ABCB5: variants seen among roughly 807,000 people sequenced by gnomAD.
The protein encoded by ABCB5 is ATP-binding cassette sub-family B member 5.
A neutral mutation model predicts 144.2 loss-of-function variants in ABCB5; 155 were observed. That is an observed-to-expected ratio of 1.08 (90% CI 0.94 to 1.23). The LOEUF (loss-of-function observed/expected upper bound fraction) is 1.23, where lower values mean the gene tolerates loss of function less well. Ranked by LOEUF, ABCB5 falls within the 50% of genes most tolerant of loss-of-function variation. ABCB5 has a pLI of 0.00. For missense variants in ABCB5, 1,830 were observed against 1,520.8 expected, an observed-to-expected ratio of 1.20 and a Z score of -3.38; for synonymous variants, 610 against 528.6, an observed-to-expected ratio of 1.15 and a Z score of -2.11.
intron 19 of ABCB5, among the ~76,000 whole-genome samples, chr7:20,701,928 T>C (rs1409049735): frequency 2.0e-5 from 3 of 152,222 alleles, no homozygotes; most frequent in Non-Finnish European, 4.4e-5. Flanking sequence ...GCTTTGTCTA[T>C]AGTAAGGGAA....
intron 23 of ABCB5, among the ~76,000 whole-genome samples, chr7:20,731,958 T>C (rs1782236929): frequency 1.3e-5 from 2 of 152,218 alleles, no homozygotes; most frequent in African/African-American, 4.8e-5. Flanking sequence ...GATCATTTAA[T>C]GCACAAATCC....
intron 16 of ABCB5, among the ~76,000 whole-genome samples, chr7:20,693,436 A>G (rs1470107472): frequency 3.9e-5 from 6 of 152,202 alleles, no homozygotes; most frequent in Non-Finnish European, 8.8e-5. Context: ...TCAGAAGTCA[A>G]TAACAGAAAG....
chr7:20,658,333 T>C (rs1275845046), intron 13 of ABCB5, among the ~76,000 whole-genome samples, 173 bp from the exon 14 acceptor site: 2 of 150,936 alleles, frequency 1.3e-5, no homozygotes, highest in Non-Finnish European at 2.9e-5. Flanking sequence ...GGCTCTTTTT[T>C]TTTTTTTTAC....
chr7:20,672,462 A>G (rs1785479099), intron 14 of ABCB5, among the ~76,000 whole-genome samples: 1 of 152,252 alleles, frequency 6.6e-6, no homozygotes, highest in Non-Finnish European at 1.5e-5. Context: ...TGTGGGGCTT[A>G]ATACCCAGGT....
chr7:20,690,628 C>A (rs75204054), intron 16 of ABCB5, among the ~76,000 whole-genome samples: 11,242 of 152,078 alleles, frequency 0.074, 479 homozygotes, highest in East Asian at 0.2. Context: ...GAAAGCAGAA[C>A]GGAGAGGAGG....
At chr7:20,681,252 A>G (rs887254830) in intron 14 of ABCB5, among the ~76,000 whole-genome samples, 1 of 151,546 alleles carries the variant, frequency 6.6e-6, no homozygotes, top group Non-Finnish European at 1.5e-5. Context: ...TCACCCTTCC[A>G]AGTAGCTAGG....
chr7:20,648,165 T>A (rs1784470711), intron 11 of ABCB5, 87 bp downstream of exon 11: 4 of 831,504 alleles, frequency 4.8e-6, no homozygotes, highest in Non-Finnish European at 7.6e-6. Flanking sequence ...TTACTTAGGA[T>A]CACTTTTTTC....
At chr7:20,747,114 T>C (rs1782747726) in intron 26 of ABCB5, among the ~76,000 whole-genome samples, 1 of 152,228 alleles carries the variant, frequency 6.6e-6, no homozygotes, top group Admixed American at 6.5e-5. Flanking sequence ...TTTTTATAAA[T>C]ATAGAGACAC....
intron 14 of ABCB5, among the ~76,000 whole-genome samples, chr7:20,668,084 C>G (rs1785272252): frequency 9.1e-6 from 1 of 110,182 alleles, no homozygotes; most frequent in East Asian, 3.0e-4. Flanking sequence ...ACCTCCACCT[C>G]CCAGCCGCCT....
At chr7:20,617,878 T>C (rs1375786335) in intron 1 of ABCB5, among the ~76,000 whole-genome samples, 1 of 151,946 alleles carries the variant, frequency 6.6e-6, no homozygotes, top group East Asian at 1.9e-4. Flanking sequence ...ACAAAGAACA[T>C]TAGATAGTGA....
chr7:20,619,764 A>G (rs186006955), intron 1 of ABCB5, among the ~76,000 whole-genome samples: 36 of 152,296 alleles, frequency 2.4e-4, no homozygotes, highest in South Asian at 1.0e-3. Context: ...GCCGATGACA[A>G]CAAGGATATT....
At chr7:20,697,689 T>C (rs1786467843) in intron 16 of ABCB5, among the ~76,000 whole-genome samples, 1 of 152,202 alleles carries the variant, frequency 6.6e-6, no homozygotes, top group African/African-American at 2.4e-5. Context: ...TAATCCTTCC[T>C]CTGTAATAAC....
chr7:20,699,346 T>C (rs1216056196), intron 17 of ABCB5, among the ~76,000 whole-genome samples: 1 of 152,234 alleles, frequency 6.6e-6, no homozygotes, highest in Non-Finnish European at 1.5e-5. Flanking sequence ...TGTATGCAGA[T>C]GATAGCATCA....
chr7:20,660,134 C>CATG (rs1370537256), intron 14 of ABCB5: 1 of 981,768 alleles, frequency 1.0e-6, no homozygotes, highest in South Asian at 4.7e-5. Flanking sequence ...TGCTTGGTGA[C>CATG]ATGATAAACT....
chr7:20,707,823 T>TTTTTTTTGG (rs3033670), intron 20 of ABCB5, among the ~76,000 whole-genome samples: 1 of 75,700 alleles, frequency 1.3e-5, no homozygotes, highest in Non-Finnish European at 2.6e-5. Context: ...TTTTTTTTTT[T>TTTTTTTTGG]GAGACGGGGT....
At chr7:20,730,433 G>A (rs188308122) in intron 23 of ABCB5, among the ~76,000 whole-genome samples, 65 of 152,196 alleles carry the variant, frequency 4.3e-4, no homozygotes, top group Non-Finnish European at 7.2e-4. Context: ...CACTTGACCC[G>A]AGGAGGCAGA....
intron 16 of ABCB5, among the ~76,000 whole-genome samples, chr7:20,695,827 G>T (rs1247077946): frequency 6.6e-6 from 1 of 151,866 alleles, no homozygotes; most frequent in Admixed American, 6.6e-5. Context: ...GCCCAACGTG[G>T]TTAGTCATTT....
intron 16 of ABCB5, among the ~76,000 whole-genome samples, chr7:20,693,548 A>G (rs1222442178): frequency 1.3e-5 from 2 of 152,304 alleles, no homozygotes; most frequent in East Asian, 3.9e-4. Flanking sequence ...AGTGTTTTGA[A>G]TTGAACAAAA....
intron 5 of ABCB5, among the ~76,000 whole-genome samples, chr7:20,637,969 G>A (rs1784202932): frequency 6.6e-6 from 1 of 152,128 alleles, no homozygotes; most frequent in African/African-American, 2.4e-5. Flanking sequence ...AATTGCCTGG[G>A]CTCTGGGGCT....
Sources: allele counts gnomAD v4.1 joint callset (sites outside exome capture counted in the v4.1 genomes callset), GRCh38; gene constraint gnomAD v4.1.1; transcripts MANE v1.5; gene names NCBI Gene and HGNC (gene_info 2026-07-23, HGNC 2026-07-21).